FTCDNL1: variants seen among roughly 807,000 people sequenced by gnomAD.
The protein encoded by FTCDNL1 is formiminotransferase cyclodeaminase N-terminal like.
A neutral mutation model predicts 5.9 loss-of-function variants in FTCDNL1; 11 were observed. The ratio of observed to expected loss-of-function variants is 1.87; its 90% CI spans 1.18 to 3.10. The LOEUF is 3.10. FTCDNL1 is among the 30% of genes most tolerant of loss of function. The pLI, the probability that FTCDNL1 is intolerant of heterozygous loss-of-function variation, is 0.00. For missense variants in FTCDNL1, 115 were observed against 65.5 expected (o/e 1.76, Z -2.61); for synonymous variants, 58 against 24.8 (o/e 2.34, Z -3.99).
intron 3 of FTCDNL1, among the ~76,000 whole-genome samples, chr2:199,771,946 T>C (rs1452873349): frequency 1.3e-5 from 2 of 152,236 alleles, no homozygotes; most frequent in Admixed American, 1.3e-4. Flanking sequence ...CATGATAAAG[T>C]TTAATTTATA....
At chr2:199,722,161 T>C in the FTCDNL1 span, among the ~76,000 whole-genome samples, 1 of 152,236 alleles carries the variant, frequency 6.6e-6, no homozygotes. Context: ...TTTGCTTTTG[T>C]TGCAATTGCT....
the FTCDNL1 span, among the ~76,000 whole-genome samples, chr2:199,710,744 T>C: frequency 6.6e-6 from 1 of 152,172 alleles, no homozygotes; most frequent in Non-Finnish European, 1.5e-5. Flanking sequence ...CTCTTTAAAT[T>C]AGATTATTGC....
chr2:199,725,419 A>G, the FTCDNL1 span, among the ~76,000 whole-genome samples: 1 of 152,256 alleles, frequency 6.6e-6, no homozygotes, highest in African/African-American at 2.4e-5. Flanking sequence ...TGAATTTAAT[A>G]CTGTCATCAT....
At chr2:199,692,686 G>A in the FTCDNL1 span, among the ~76,000 whole-genome samples, 1 of 152,146 alleles carries the variant, frequency 6.6e-6, no homozygotes, top group Non-Finnish European at 1.5e-5. Context: ...AGTCCTGGCA[G>A]GCACCCAAAA....
chr2:199,798,474 A>C (rs1328461420), intron 3 of FTCDNL1, among the ~76,000 whole-genome samples: 1 of 152,204 alleles, frequency 6.6e-6, no homozygotes, highest in Non-Finnish European at 1.5e-5. Context: ...GGTTCTGTGG[A>C]GGTACAGTTC....
the FTCDNL1 span, among the ~76,000 whole-genome samples, chr2:199,675,433 AAATTT>A: frequency 1.4e-4 from 21 of 152,292 alleles, no homozygotes; most frequent in Middle Eastern, 3.4e-3. Flanking sequence ...TAAAATTAAT[AAATTT>A]AATTTAATCT....
At chr2:199,718,921 A>C in the FTCDNL1 span, among the ~76,000 whole-genome samples, 2 of 151,352 alleles carry the variant, frequency 1.3e-5, no homozygotes, top group East Asian at 3.9e-4. Context: ...TGAGTTGTTT[A>C]AGTTCTTTGT....
chr2:199,667,936 A>G, the FTCDNL1 span, among the ~76,000 whole-genome samples: 1 of 152,232 alleles, frequency 6.6e-6, no homozygotes, highest in East Asian at 1.9e-4. Flanking sequence ...GAGAAAGACA[A>G]TATGCACAAA....
At chr2:199,685,143 T>C in the FTCDNL1 span, among the ~76,000 whole-genome samples, 5 of 152,316 alleles carry the variant, frequency 3.3e-5, no homozygotes, top group East Asian at 9.6e-4. Context: ...AATGGTGGCC[T>C]GAACATAGAA....
intron 3 of FTCDNL1, among the ~76,000 whole-genome samples, chr2:199,778,178 C>T (rs1219479948): frequency 6.6e-6 from 1 of 152,118 alleles, no homozygotes; most frequent in Non-Finnish European, 1.5e-5. Flanking sequence ...AACCAGCAAG[C>T]AAAATGTGGC....
chr2:199,791,649 T>A (rs1184317297), intron 3 of FTCDNL1, among the ~76,000 whole-genome samples: 1 of 152,176 alleles, frequency 6.6e-6, no homozygotes, highest in Non-Finnish European at 1.5e-5. Flanking sequence ...TATTAACACA[T>A]TTAATAGTGT....
chr2:199,673,756 C>A, the FTCDNL1 span, among the ~76,000 whole-genome samples: 3 of 152,034 alleles, frequency 2.0e-5, no homozygotes, highest in Non-Finnish European at 4.4e-5. Flanking sequence ...TTCAGACTTG[C>A]AAAATGAGAC....
chr2:199,716,334 G>T, the FTCDNL1 span, among the ~76,000 whole-genome samples: 1 of 152,170 alleles, frequency 6.6e-6, no homozygotes, highest in Non-Finnish European at 1.5e-5. Context: ...GCTCAGCCCT[G>T]ATGAGCCCGA....
the FTCDNL1 span, among the ~76,000 whole-genome samples, chr2:199,673,721 T>C: frequency 2.0e-5 from 3 of 152,262 alleles, no homozygotes; most frequent in Non-Finnish European, 4.4e-5. Flanking sequence ...CCTGATAAAA[T>C]CATATCATAG....
At chr2:199,665,278 T>A in the FTCDNL1 span, among the ~76,000 whole-genome samples, 1 of 151,970 alleles carries the variant, frequency 6.6e-6, no homozygotes, top group African/African-American at 2.4e-5. Flanking sequence ...GACACCCCAG[T>A]TTCTTCAGGT....
chr2:199,777,422 A>T (rs1443409200), intron 3 of FTCDNL1, among the ~76,000 whole-genome samples: 2 of 152,200 alleles, frequency 1.3e-5, no homozygotes, highest in Non-Finnish European at 2.9e-5. Context: ...GCTGCAGCTC[A>T]AATCTGAAAG....
At chr2:199,845,057 A>T (rs1468607373) in intron 3 of FTCDNL1, among the ~76,000 whole-genome samples, 1 of 149,408 alleles carries the variant, frequency 6.7e-6, no homozygotes, top group Admixed American at 6.7e-5. Context: ...AAACACGTAA[A>T]TTTTTTTTTT....
intron 2 of FTCDNL1, among the ~76,000 whole-genome samples, chr2:199,847,932 T>A (rs768217139): frequency 6.6e-6 from 1 of 152,222 alleles, no homozygotes. Context: ...TGCAAGACAG[T>A]AACTTAAATG....
At chr2:199,846,428 T>G (rs1271288499) in intron 2 of FTCDNL1, among the ~76,000 whole-genome samples, 2 of 152,226 alleles carry the variant, frequency 1.3e-5, no homozygotes, top group Non-Finnish European at 2.9e-5. Context: ...GACTTGCTAC[T>G]GAATTTGCCA....
Sources: gnomAD v4.1 joint callset for allele counts (sites outside exome capture counted in the v4.1 genomes callset) on GRCh38, gnomAD v4.1.1 for gene constraint, MANE v1.5 for transcripts, NCBI Gene and HGNC (gene_info 2026-07-23, HGNC 2026-07-21) for gene names.